SPATA21: variants seen among roughly 807,000 people sequenced by gnomAD.
SPATA21 encodes the protein spermatogenesis-associated protein 21.
SPATA21 carries 47 observed loss-of-function variants against 54.8 expected under a neutral mutation model. The ratio of observed to expected loss-of-function variants is 0.86; its 90% CI spans 0.68 to 1.09. The LOEUF (loss-of-function observed/expected upper bound fraction) is 1.09. Among genes scored for constraint, SPATA21 ranks in the 50% least tolerant of loss-of-function variants. SPATA21 has a pLI of 0.00. For synonymous variants in SPATA21, 245 were observed against 235.3 expected (o/e 1.04, Z -0.38); for missense variants, 599 against 596.4 (o/e 1.00, Z -0.05).
chr1:16,429,462 A>G (rs111434170), intron 3 of SPATA21, among the ~76,000 whole-genome samples: 3,104 of 150,810 alleles, frequency 0.021, 114 homozygotes, highest in African/African-American at 0.071. Context: ...TATTTTATTT[A>G]TTTGTTTGTT....
intron 10 of SPATA21, among the ~76,000 whole-genome samples, 165 bp downstream of exon 10, chr1:16,403,562 C>T (rs2085525485): frequency 1.4e-5 from 2 of 146,824 alleles, no homozygotes; most frequent in Non-Finnish European, 1.5e-5. Context: ...AATCTCAGCT[C>T]ACTGCAACCT....
rs745646830 is a variant in SPATA21, at chr1:16,431,355, G to T, written c.17C>A (p.Thr6Asn). 1.9e-6 allele frequency: 3 copies of T among 1,614,136 alleles called. No homozygotes were observed. The highest frequency in any genetic ancestry group is 2.5e-6 in the Non-Finnish European group (3 of 1,180,022). The change falls in exon 3 of 13, where the codon ACC becomes AAC. Residue 6 changes from threonine to asparagine, a missense_variant. Physicochemically the swap from Thr to Asn is moderately conservative, Grantham distance 65. Transcript: ENST00000335496. MDNRN[T>N]QMYTEEEKTV... The stretch of plus-strand genomic sequence containing the variant: ...GGTTCTACCCTCCGTGTACATCTGG[G>T]TGTTTCTATTGTCCATGATGCCAGC...
At chr1:16,427,027 G>A (rs1280246152) in intron 3 of SPATA21, among the ~76,000 whole-genome samples, 1 of 151,976 alleles carries the variant, frequency 6.6e-6, no homozygotes, top group African/African-American at 2.4e-5. Flanking sequence ...TTTCCCTATT[G>A]TGTGGGCGCT....
intron 3 of SPATA21, among the ~76,000 whole-genome samples, chr1:16,427,043 G>C (rs1231704549): frequency 6.6e-6 from 1 of 151,974 alleles, no homozygotes; most frequent in East Asian, 1.9e-4. Context: ...GCGCTTAAGG[G>C]GTTTCTAATT....
At chr1:16,400,567 C>A in intron 11 of SPATA21, 153 bp downstream of exon 11, 1 of 1,457,270 alleles carries the variant, frequency 6.9e-7, no homozygotes, top group Middle Eastern at 2.6e-4. Context: ...GATTATCAGC[C>A]TGTTTTCTGA....
chr1:16,417,375 CAGCCTCCCAAGT>C (rs1243875938), intron 5 of SPATA21, among the ~76,000 whole-genome samples: 3 of 151,836 alleles, frequency 2.0e-5, no homozygotes, highest in African/African-American at 7.3e-5. Context: ...TCTCCTGCCT[CAGCCTCCCAAGT>C]AGCCGGGACT....
chr1:16,424,608 G>C (rs1040019235), intron 3 of SPATA21, among the ~76,000 whole-genome samples: 2 of 151,626 alleles, frequency 1.3e-5, no homozygotes, highest in Non-Finnish European at 2.9e-5. Context: ...TGTAGGAACG[G>C]GGTTTCACCA....
At chr1:16,425,775 G>T in intron 3 of SPATA21, 5 of 1,511,430 alleles carry the variant, frequency 3.3e-6, no homozygotes, top group Non-Finnish European at 3.6e-6. Flanking sequence ...CCAGACTGGG[G>T]CACTGTTTTA....
rs1320290897 is a variant in SPATA21 at position 16,398,772 on chromosome 1, G to A, written c.1403C>T (p.Thr468Ile). The A allele has an allele frequency of 9.9e-6, 16 of 1,613,776 alleles. No individual in the cohort carries two copies. Among genetic ancestry groups the A allele is most frequent in the African/African-American group, 2.7e-5 (2 of 74,908 alleles). The stretch of plus-strand genomic sequence containing the variant: ...AGTCAGGCCTCCAGAGGGTCAGTGG[G>A]TTCGAGCTGGCACAGAGCTGAGCCA... ...RKWLSSVPARTH is the reference protein window; with the variant it reads ...RKWLSSVPARIH The change falls in exon 13 of 13, where the codon ACC becomes ATC. Residue 468 changes from threonine to isoleucine, a missense_variant. Thr to Ile is a moderately conservative substitution (Grantham distance 89, BLOSUM62 -1). Coordinates refer to ENST00000335496, the MANE Select transcript of SPATA21 (RefSeq NM_198546.1).
At chr1:16,430,845 G>A (rs1249859086) in intron 3 of SPATA21, among the ~76,000 whole-genome samples, 1 of 152,234 alleles carries the variant, frequency 6.6e-6, no homozygotes, top group African/African-American at 2.4e-5. Context: ...TGACAGTGAT[G>A]CTAGAGACTT....
chr1:16,404,911 C>CA, intron 8 of SPATA21, 56 bp downstream of exon 8: 1 of 1,502,550 alleles, frequency 6.7e-7, no homozygotes, highest in Non-Finnish European at 8.8e-7. Context: ...GCACAGGTTT[C>CA]AAGCCAGTGA....
Position 16,436,797 on chromosome 1 carries a change from A to C in SPATA21, c.-187+331T>G, listed in dbSNP as rs1033057688. Among the ~76,000 whole-genome samples the C allele has an allele frequency of 7.2e-5, 11 of 151,740 alleles. No individual in the cohort carries two copies. In the East Asian group the frequency reaches 1.4e-3, roughly 19 times the overall value. ...AATTACTAATGTAAACAAAAAAAAA[A>C]CACCAAAAAACAAAAACCTTAGTCA... is the stretch of plus-strand genomic sequence containing the variant. On this transcript the variant is annotated intron_variant, in intron 1 of 12. Transcript: ENST00000335496.
intron 5 of SPATA21, among the ~76,000 whole-genome samples, chr1:16,411,888 T>C (rs562062742): frequency 1.8e-4 from 28 of 151,870 alleles, no homozygotes; most frequent in African/African-American, 6.5e-4. Context: ...GCAAAATTCC[T>C]TGAAAGCGTT....
rs966239575 is a variant in SPATA21, at chr1:16,423,539, C to CTTT, written c.35-1571_35-1569dup. On this transcript the variant is annotated intron_variant, in intron 3 of 12. Coordinates refer to ENST00000335496, the MANE Select transcript of SPATA21 (RefSeq NM_198546.1). ...GAATTTCTTTCTCTTTCTCTCTCTCCTTTTTTTTTTTTTTTTTTTTTGGAG... is the reference window on the plus strand; with the variant it reads ...GAATTTCTTTCTCTTTCTCTCTCTCCTTTTTTTTTTTTTTTTTTTTTTTTGGAG... Among the ~76,000 whole-genome samples the CTTT allele has an allele frequency of 3.4e-3, 382 of 111,670 alleles. 12 individuals are homozygous for CTTT. The highest frequency in any genetic ancestry group is 5.5e-3 in the Non-Finnish European group (300 of 54,192). The allele number at this position is 111,670 out of a possible 152,430, so 73.3% of individuals were successfully genotyped here.
In SPATA21 at chr1:16,421,527, C is replaced by G. The variant is rs779260111; in HGVS notation, c.126G>C (p.Pro42=). The change falls in exon 5 of 13, where the codon CCG becomes CCC. Residue 42 remains proline, a synonymous_variant. Transcript: ENST00000335496. The surrounding 1 kb of genome is among the most constrained non-coding windows in gnomAD (Gnocchi z 5.2). The part of the protein sequence containing the change: ...GGEAVETHPA[P]GPLPPPEVRD... ...TACTTACTGGTGGAGGAAGAGGCCC[C>G]GGTGCTGGGTGGGTCTCCACAGCCT... 8.7e-6 allele frequency: 14 copies of G among 1,613,478 alleles called. No homozygotes were observed. The East Asian group carries it at 2.7e-4, about 31-fold the overall frequency.
In SPATA21 at chr1:16,410,019, G is replaced by A. The variant is rs954572280; in HGVS notation, c.169C>T (p.Arg57Trp). 15 of 1,574,532 alleles carry A rather than the reference G, an allele frequency of 9.5e-6. No individual in the cohort carries two copies. Among genetic ancestry groups the A allele is most frequent in the Admixed American group, 5.6e-5 (3 of 53,470 alleles). Residue 57 changes from arginine to tryptophan, a missense_variant, in exon 6 of 13, where the codon CGG becomes TGG. Physicochemically the swap from Arg to Trp is moderately radical, Grantham distance 101. Transcript: ENST00000335496. ...PPEVRDIGER[R>W]EPDRAQQQPQ... ...TGCTGCTGCGCACGGTCTGGCTCCC[G>A]CCTCTCTCCAATGTCCCTCACCTCC...
chr1:16,398,671 A>G lies in SPATA21; in HGVS notation c.*94T>C. On this transcript the variant is annotated 3_prime_UTR_variant, in exon 13 of 13. Transcript: ENST00000335496. The stretch of plus-strand genomic sequence containing the variant: ...AGTTATTGGTGTTTATTAGCTCACC[A>G]GGCCACAAAAGCAAATCCCAGCAGC... 7.1e-7 allele frequency: 1 copy of G among 1,407,162 alleles called. No individual in the cohort carries two copies. The highest frequency in any genetic ancestry group is 1.8e-5 in the Admixed American group (1 of 56,576). 87.2% of individuals were successfully genotyped at this position (1,407,162 alleles called of 1,614,324 possible).
At chr1:16,435,683 G>T (rs1277017011) in intron 1 of SPATA21, among the ~76,000 whole-genome samples, 1 of 150,498 alleles carries the variant, frequency 6.6e-6, no homozygotes, top group Non-Finnish European at 1.5e-5. Flanking sequence ...TGGCATGAAC[G>T]TGGCTCACTA....
chr1:16,429,829 G>C (rs1257219420), intron 3 of SPATA21, among the ~76,000 whole-genome samples: 1 of 151,508 alleles, frequency 6.6e-6, no homozygotes, highest in Non-Finnish European at 1.5e-5. Context: ...ATGGTGAGGA[G>C]GGTCTTCTTT....
Sources: gnomAD v4.1 joint callset for allele counts (sites outside exome capture counted in the v4.1 genomes callset) on GRCh38, gnomAD v4.1.1 for gene constraint, Gnocchi (gnomAD v3.1) non-coding constraint, MANE v1.5 for transcripts, NCBI Gene and HGNC (gene_info 2026-07-23, HGNC 2026-07-21) for gene names.